CLEC2A: variants seen among roughly 807,000 people sequenced by gnomAD.
CLEC2A encodes the protein C-type lectin domain family 2 member A.
A neutral mutation model predicts 18.6 loss-of-function variants in CLEC2A; 19 were observed. The ratio of observed to expected loss-of-function variants is 1.02; its 90% CI spans 0.71 to 1.50. The LOEUF (loss-of-function observed/expected upper bound fraction) is 1.50. Ranked by LOEUF, CLEC2A falls within the 40% of genes most tolerant of loss-of-function variation. The pLI is 0.00. For missense variants in CLEC2A, 190 were observed against 207.9 expected, an observed-to-expected ratio of 0.91 and a Z score of 0.53; for synonymous variants, 74 against 64.0, an observed-to-expected ratio of 1.16 and a Z score of -0.75.
downstream of CLEC2A, among the ~76,000 whole-genome samples, chr12:9,908,892 A>G (rs1195189844): frequency 6.6e-6 from 1 of 152,122 alleles, no homozygotes; most frequent in Non-Finnish European, 1.5e-5. Context: ...CTTTGTTTAG[A>G]AATGTATTGA....
chr12:9,903,236 G>A (rs1049002746), intron 4 of CLEC2A, among the ~76,000 whole-genome samples: 4 of 151,110 alleles, frequency 2.6e-5, no homozygotes, highest in Non-Finnish European at 5.9e-5. Flanking sequence ...TGGCTTTGCT[G>A]TTCTTCTTGA....
the CLEC2A span, among the ~76,000 whole-genome samples, chr12:9,886,107 A>G: frequency 1.3e-5 from 2 of 152,164 alleles, no homozygotes; most frequent in Non-Finnish European, 2.9e-5. Flanking sequence ...GAAAAACGCT[A>G]TTGAGAAGAA....
chr12:9,896,205 T>C (rs1436464700), downstream of CLEC2A, among the ~76,000 whole-genome samples: 2 of 152,216 alleles, frequency 1.3e-5, no homozygotes, highest in African/African-American at 2.4e-5. Flanking sequence ...AGAAGCAGTA[T>C]ATGTACAAAT....
intron 4 of CLEC2A, among the ~76,000 whole-genome samples, chr12:9,916,113 T>C (rs566067036): frequency 3.5e-4 from 53 of 151,878 alleles, no homozygotes; most frequent in African/African-American, 1.1e-3. Context: ...TTGCTTATGA[T>C]GAACATTTGG....
chr12:9,882,781 T>TA, the CLEC2A span, among the ~76,000 whole-genome samples: 1 of 94,326 alleles, frequency 1.1e-5, no homozygotes, highest in Admixed American at 1.2e-4. Flanking sequence ...ACTCCATATA[T>TA]AAAAAAACAA....
chr12:9,930,029 G>A (rs1389296393), intron 1 of CLEC2A, among the ~76,000 whole-genome samples: 1 of 152,068 alleles, frequency 6.6e-6, no homozygotes, highest in East Asian at 1.9e-4. Context: ...AAACTGGGCG[G>A]CTAAAATTAA....
chr12:9,918,082 G>A (rs1055615530), intron 3 of CLEC2A, among the ~76,000 whole-genome samples: 2 of 152,062 alleles, frequency 1.3e-5, no homozygotes, highest in African/African-American at 4.8e-5. Context: ...CTTTTGCTGT[G>A]CAGAAACTCT....
In CLEC2A at chr12:9,913,454, C is replaced by A. The variant is rs1863018008; in HGVS notation, c.*112G>T. The A allele has an allele frequency of 7.0e-7, 1 of 1,428,762 alleles. No individual in the cohort carries two copies. Among genetic ancestry groups the A allele is most frequent in the Non-Finnish European group, 9.1e-7 (1 of 1,099,440 alleles). The allele number at this position is 1,428,762 out of a possible 1,614,324, so 88.5% of individuals were successfully genotyped here. A position where few individuals can be genotyped will look rare whatever the true frequency, so the allele number is the denominator to read the frequency against. On this transcript the variant is annotated 3_prime_UTR_variant, in exon 5 of 5. Transcript: ENST00000455827. ...TCCATCTATAAACTAGAAAATGGGC[C>A]CTCACCAGAGGTTCCGTATTCTGTA...
chr12:9,893,385 T>A, the CLEC2A span: 1 of 1,027,270 alleles, frequency 9.7e-7, no homozygotes, highest in Non-Finnish European at 1.4e-6. Flanking sequence ...GCATCAAAAT[T>A]TTTTTAAACA....
downstream of CLEC2A, among the ~76,000 whole-genome samples, chr12:9,909,662 G>A (rs1324609358): frequency 6.6e-6 from 1 of 152,174 alleles, no homozygotes; most frequent in Admixed American, 6.5e-5. Flanking sequence ...GATTCCCCAG[G>A]GATAGGGGAT....
In CLEC2A at chr12:9,907,606, A is replaced by G. The variant is rs77373028; in HGVS notation, c.411-8630T>C. Among the ~76,000 whole-genome samples, 818 of 152,296 alleles carry G rather than the reference A, an allele frequency of 5.4e-3. 9 individuals are homozygous for G. The highest frequency in any genetic ancestry group is 0.019 in the African/African-American group (779 of 41,568). On this transcript the variant is annotated intron_variant, in intron 4 of 4. Coordinates refer to the CLEC2A transcript ENST00000339766. ...TCCTTCCCCTTGTAAATGGTTAAGA[A>G]GGTGTGTAGAGAAGGCAGCTACTTT...
downstream of CLEC2A, among the ~76,000 whole-genome samples, chr12:9,894,187 C>G (rs1031827960): frequency 8.2e-6 from 1 of 122,294 alleles, no homozygotes; most frequent in Non-Finnish European, 1.7e-5. Context: ...TTCTTTCTTT[C>G]TTTCTTTTTT....
At chr12:9,893,305 G>GA in the CLEC2A span, 3 of 872,814 alleles carry the variant, frequency 3.4e-6, no homozygotes, top group Non-Finnish European at 1.7e-6. Flanking sequence ...TATTGTTCAT[G>GA]AAAAAAATGC....
At chr12:9,897,861 A>G (rs959260783), downstream of CLEC2A, among the ~76,000 whole-genome samples, 2 of 152,140 alleles carry the variant, frequency 1.3e-5, no homozygotes, top group Non-Finnish European at 2.9e-5. Flanking sequence ...TGCATCTATC[A>G]TACACGTTTT....
chr12:9,924,794 A>T (rs920489856), intron 2 of CLEC2A, among the ~76,000 whole-genome samples: 2 of 152,206 alleles, frequency 1.3e-5, no homozygotes, highest in African/African-American at 2.4e-5. Context: ...TCACTCAGGC[A>T]TATAGACTCT....
chr12:9,925,096 A>T (rs1863246555), intron 2 of CLEC2A, among the ~76,000 whole-genome samples: 1 of 152,124 alleles, frequency 6.6e-6, no homozygotes, highest in Non-Finnish European at 1.5e-5. Context: ...CCCTTTGTTG[A>T]ATTCAATATA....
intron 2 of CLEC2A, among the ~76,000 whole-genome samples, chr12:9,925,157 A>T (rs1413798502): frequency 6.6e-6 from 1 of 152,242 alleles, no homozygotes; most frequent in African/African-American, 2.4e-5. Flanking sequence ...GAAGACGTGC[A>T]TGTCACGTCA....
downstream of CLEC2A, among the ~76,000 whole-genome samples, chr12:9,911,420 G>A (rs1350371630): frequency 6.6e-6 from 1 of 152,134 alleles, no homozygotes; most frequent in Non-Finnish European, 1.5e-5. Context: ...ATGAATTAAT[G>A]GTGTGATTAG....
intron 3 of CLEC2A, among the ~76,000 whole-genome samples, chr12:9,919,009 G>C (rs1863119043): frequency 6.6e-6 from 1 of 152,160 alleles, no homozygotes; most frequent in Non-Finnish European, 1.5e-5. Context: ...GGTTGCGCTT[G>C]GACGTATTTG....
Sources: allele counts gnomAD v4.1 joint callset (sites outside exome capture counted in the v4.1 genomes callset), GRCh38; gene constraint gnomAD v4.1.1; transcripts MANE v1.5; gene names NCBI Gene and HGNC (gene_info 2026-07-23, HGNC 2026-07-21).